The following FGD3 variants were observed in gnomAD, a reference collection of about 807,000 sequenced individuals.
FGD3 encodes the protein FYVE, RhoGEF and PH domain containing 3.
In FGD3, 45 loss-of-function variants were observed where a neutral mutation model predicts 71.8. The observed-to-expected ratio is 0.63, with a 90% CI of 0.49 to 0.80. The LOEUF is 0.80. Among genes scored for constraint, FGD3 ranks in the 30% least tolerant of loss-of-function variants. The pLI is 0.00. For missense variants in FGD3, 844 were observed against 951.5 expected (o/e 0.89, Z 1.49); for synonymous variants, 378 against 392.8 (o/e 0.96, Z 0.44).
intron 3 of FGD3, among the ~76,000 whole-genome samples, chr9:92,997,098 G>A (rs1235138353): frequency 6.6e-6 from 1 of 152,200 alleles, no homozygotes; most frequent in African/African-American, 2.4e-5. Context: ...CATTATTTTT[G>A]TGTGGGAGTC....
chr9:93,028,798 G>A (rs554542407), intron 14 of FGD3, among the ~76,000 whole-genome samples: 1 of 152,252 alleles, frequency 6.6e-6, no homozygotes, highest in African/African-American at 2.4e-5. Flanking sequence ...ACAGGAGGCA[G>A]GAGACTGGGG....
intron 1 of FGD3, among the ~76,000 whole-genome samples, chr9:92,958,024 G>T (rs1387432273): frequency 6.7e-6 from 1 of 148,976 alleles, no homozygotes; most frequent in Non-Finnish European, 1.5e-5. Context: ...TTTGAGACAG[G>T]GTCTCATTCT....
At chr9:92,958,539 T>C (rs1859107629) in intron 1 of FGD3, among the ~76,000 whole-genome samples, 1 of 152,236 alleles carries the variant, frequency 6.6e-6, no homozygotes, top group South Asian at 2.1e-4. Flanking sequence ...AAGCAGAAGT[T>C]TTCTATGTTG....
At chr9:92,965,523 C>T (rs1268269883) in intron 1 of FGD3, among the ~76,000 whole-genome samples, 1 of 152,240 alleles carries the variant, frequency 6.6e-6, no homozygotes, top group African/African-American at 2.4e-5. Context: ...AGAGGAGGCC[C>T]CGGTTCCACT....
At chr9:92,955,693 C>G (rs1859038456) in intron 1 of FGD3, among the ~76,000 whole-genome samples, 1 of 152,160 alleles carries the variant, frequency 6.6e-6, no homozygotes, top group African/African-American at 2.4e-5. Flanking sequence ...AGAGCAGCAC[C>G]AGCACAGGGA....
chr9:92,998,386 G>C (rs1207579094), intron 3 of FGD3, among the ~76,000 whole-genome samples: 3 of 152,064 alleles, frequency 2.0e-5, no homozygotes, highest in Non-Finnish European at 2.9e-5. Context: ...TTTTTTCAAG[G>C]TTTTTAGCTT....
chr9:92,977,814 G>GA (rs1859824531), intron 3 of FGD3, among the ~76,000 whole-genome samples: 1 of 152,266 alleles, frequency 6.6e-6, no homozygotes, highest in Admixed American at 6.5e-5. Context: ...GCCATGATGG[G>GA]AATGGGAGGT....
chr9:92,987,296 G>C (rs923880751), intron 3 of FGD3, among the ~76,000 whole-genome samples: 2 of 152,046 alleles, frequency 1.3e-5, no homozygotes, highest in African/African-American at 4.8e-5. Context: ...GCTAAGTGTG[G>C]TGGTGGGTGC....
In FGD3 at chr9:93,035,659, C is replaced by T; in HGVS notation, c.*70C>T. The stretch of plus-strand genomic sequence containing the variant: ...CTGTCCTGGGAGGTGGTGTTGGAGG[C>T]CCCATGAAGAGCGCCCTGGACTGCT... On this transcript the variant is annotated 3_prime_UTR_variant, in exon 18 of 18. Transcript: ENST00000375482. The T allele has an allele frequency of 3.3e-6, 5 of 1,509,138 alleles. No individual in the cohort carries two copies. Among genetic ancestry groups the T allele is most frequent in the Non-Finnish European group, 4.4e-6 (5 of 1,131,612 alleles). 93.5% of individuals were successfully genotyped at this position (1,509,138 alleles called of 1,614,324 possible). A position where few individuals can be genotyped will look rare whatever the true frequency, so the allele number is the denominator to read the frequency against.
intron 8 of FGD3, 107 bp from the exon 9 acceptor site, chr9:93,013,745 G>A (rs1861538314): frequency 7.1e-6 from 10 of 1,411,446 alleles, no homozygotes; most frequent in Middle Eastern, 2.0e-4. Flanking sequence ...GTAGCTCATT[G>A]CCCTCTCTGG....
intron 7 of FGD3, 24 bp downstream of exon 7, chr9:93,010,408 A>G (rs763246549): frequency 2.7e-5 from 43 of 1,591,784 alleles, no homozygotes; most frequent in Non-Finnish European, 3.7e-5. Flanking sequence ...AAGGGCTCCC[A>G]GGAGGGTGCA....
Position 93,029,920 on chromosome 9 carries a change from A to G in FGD3, c.1604A>G (p.Lys535Arg), listed in dbSNP as rs1415289156. 2 of 1,613,668 alleles carry G rather than the reference A, an allele frequency of 1.2e-6. No individual in the cohort carries two copies. The highest frequency in any genetic ancestry group is 1.7e-6 in the Non-Finnish European group (2 of 1,179,726). Residue 535 changes from lysine (K) to arginine (R), a missense_variant, in exon 15 of 18, where the codon AAG becomes AGG. Physicochemically the swap from Lys to Arg is conservative, Grantham distance 26 (BLOSUM62 2). Coordinates refer to ENST00000375482, the MANE Select transcript of FGD3 (RefSeq NM_001083536.2). ...TCTAAGACCAGACGTGACAAGGAGAAGCAGAGCTGTAAGAGCTGTGGTGAG... is the reference window on the plus strand; with the variant it reads ...TCTAAGACCAGACGTGACAAGGAGAGGCAGAGCTGTAAGAGCTGTGGTGAG... ...LSSKTRRDKE[K>R]QSCKSCGETF...
At chr9:92,963,179 C>A (rs923887364) in intron 1 of FGD3, among the ~76,000 whole-genome samples, 4 of 152,122 alleles carry the variant, frequency 2.6e-5, no homozygotes, top group African/African-American at 9.7e-5. Flanking sequence ...TGTTGTCAGA[C>A]GGGGATAACC....
chr9:93,015,618 AT>A, intron 9 of FGD3, 118 bp from the exon 10 acceptor site: 1 of 639,640 alleles, frequency 1.6e-6, no homozygotes. Flanking sequence ...TTTTAAAAAT[AT>A]TTTTCACTTT....
intron 1 of FGD3, among the ~76,000 whole-genome samples, chr9:92,971,767 T>C (rs1206133917): frequency 6.6e-6 from 1 of 151,826 alleles, no homozygotes; most frequent in African/African-American, 2.4e-5. Context: ...TGATCAGCCC[T>C]GTGAGGTATA....
intron 16 of FGD3, 150 bp downstream of exon 16, chr9:93,033,023 G>C (rs1160074800): frequency 9.1e-6 from 7 of 766,578 alleles, no homozygotes; most frequent in Non-Finnish European, 1.4e-5. Context: ...GGGCCCCCAG[G>C]CTGGGAACAC....
Position 93,035,806 on chromosome 9 carries a change from T to C in FGD3, c.*217T>C. On this transcript the variant is annotated 3_prime_UTR_variant, in exon 18 of 18. Coordinates refer to ENST00000375482, the MANE Select transcript of FGD3 (RefSeq NM_001083536.2). ...GCAAGTTTTGGCTAAGAGCCTGGCC[T>C]CCAGCCCCAGCAGTGTGGCCCAGAG... 1 of 625,310 alleles carries C rather than the reference T, an allele frequency of 1.6e-6. No homozygotes were observed. Among genetic ancestry groups the C allele is most frequent in the Non-Finnish European group, 2.6e-6 (1 of 386,014 alleles). 38.7% of individuals were successfully genotyped at this position (625,310 alleles called of 1,614,324 possible). A position where few individuals can be genotyped will look rare whatever the true frequency, so the allele number is the denominator to read the frequency against.
chr9:93,015,817 C>T lies in FGD3; in HGVS notation c.1263C>T (p.Ile421=). ...QKFSVREKMD[I]SGLQVQDIVK... is the part of the protein sequence containing the mutation. ...TCAGCGTCCGGGAGAAGATGGACAT[C>T]TCAGGCCTCCAGGTGGGTGAGCTCC... Residue 421 remains isoleucine (I), a synonymous_variant, in exon 10 of 18, where the codon ATC becomes ATT. Coordinates refer to ENST00000375482, the MANE Select transcript of FGD3 (RefSeq NM_001083536.2). 3 of 1,614,146 alleles carry T rather than the reference C, an allele frequency of 1.9e-6. No homozygotes were observed. In the South Asian group the frequency reaches 3.3e-5, roughly 18 times the overall value.
At chr9:93,022,255 A>G (rs1587865593) in intron 13 of FGD3, 72 bp from the exon 14 acceptor site, 3 of 1,469,968 alleles carry the variant, frequency 2.0e-6, no homozygotes, top group Admixed American at 1.8e-5. Flanking sequence ...GGCTTCAGGA[A>G]CTGTCCCCCC....
Sources: gnomAD v4.1 joint callset for allele counts (sites outside exome capture counted in the v4.1 genomes callset) on GRCh38, gnomAD v4.1.1 for gene constraint, MANE v1.5 for transcripts, NCBI Gene and HGNC (gene_info 2026-07-23, HGNC 2026-07-21) for gene names.